Variants in GRID2 observed in about 807,000 individuals in gnomAD.
The protein encoded by GRID2 is glutamate receptor ionotropic, delta-2.
GRID2 carries 33 observed loss-of-function variants against 114.8 expected under a neutral mutation model. That is an observed-to-expected ratio of 0.29 (90% CI 0.22 to 0.38). The LOEUF (loss-of-function observed/expected upper bound fraction) is 0.38, where lower values mean the gene tolerates loss of function less well. Among genes scored for constraint, GRID2 ranks in the 10% least tolerant of loss-of-function variants. The pLI, the probability that GRID2 is intolerant of heterozygous loss-of-function variation, is 1.00. For missense variants in GRID2, 1,184 were observed against 1,257.7 expected (o/e 0.94, Z 0.89); for synonymous variants, 505 against 449.9 (o/e 1.12, Z -1.55).
chr4:93,683,545 G>T (rs1725794617), intron 14 of GRID2, among the ~76,000 whole-genome samples: 1 of 152,116 alleles, frequency 6.6e-6, no homozygotes, highest in Non-Finnish European at 1.5e-5. Flanking sequence ...GAGTCGTAAA[G>T]TGAGGAGTTA....
At chr4:93,083,818 A>C (rs1578941265) in intron 2 of GRID2, among the ~76,000 whole-genome samples, 1 of 151,922 alleles carries the variant, frequency 6.6e-6, no homozygotes, top group East Asian at 1.9e-4. Flanking sequence ...ATTATTTTGC[A>C]TGTATTGGTT....
intron 2 of GRID2, among the ~76,000 whole-genome samples, chr4:92,660,688 T>C (rs990347826): frequency 1.3e-5 from 2 of 151,276 alleles, no homozygotes; most frequent in Non-Finnish European, 3.0e-5. Flanking sequence ...TCTTCAACTT[T>C]ATATCACCTC....
intron 2 of GRID2, among the ~76,000 whole-genome samples, chr4:92,982,022 TAAAAAAAAAAAAAAAAAAAA>T (rs1161216679): frequency 1.2e-5 from 1 of 80,202 alleles, no homozygotes; most frequent in African/African-American, 4.6e-5. Flanking sequence ...AAAGTACTGG[TAAAAAAAAAAAAAAAAAAAA>T]AAAGAAAAAG....
At position 92,553,203 on chromosome 4, in the gene GRID2, T is replaced by C. The variant is rs145899160; in HGVS notation, c.89-36928T>C. 6.9e-3 allele frequency among the ~76,000 whole-genome samples: 1,045 copies of C among 152,334 alleles called. 10 individuals carry two copies. Among genetic ancestry groups the C allele is most frequent in the African/African-American group, 0.022 (911 of 41,580 alleles). On this transcript the variant is annotated intron_variant, in intron 1 of 15. Transcript: ENST00000282020. ...TTAATATCTAAGACGGACCTAACTT[T>C]GTTCCCAGAATGCACCTGCATTGGG... is the stretch of plus-strand genomic sequence containing the variant.
At chr4:93,629,679 A>T (rs1743070675) in intron 14 of GRID2, among the ~76,000 whole-genome samples, 1 of 152,192 alleles carries the variant, frequency 6.6e-6, no homozygotes, top group African/African-American at 2.4e-5. Context: ...ATAGTATACT[A>T]GGTGATTTTT....
intron 2 of GRID2, among the ~76,000 whole-genome samples, chr4:92,991,573 A>C (rs190680243): frequency 6.9e-4 from 105 of 152,342 alleles, no homozygotes; most frequent in African/African-American, 2.3e-3. Flanking sequence ...ATAAGCAGTA[A>C]ACAAAGTTAA....
intron 2 of GRID2, among the ~76,000 whole-genome samples, chr4:93,034,003 T>G (rs1195036310): frequency 6.6e-6 from 1 of 152,172 alleles, no homozygotes; most frequent in Non-Finnish European, 1.5e-5. Flanking sequence ...ACATCCAAGA[T>G]GAATCGTCAG....
chr4:92,799,558 CT>C (rs1331645370), intron 2 of GRID2, among the ~76,000 whole-genome samples: 3 of 152,130 alleles, frequency 2.0e-5, no homozygotes, highest in Non-Finnish European at 4.4e-5. Context: ...CTCACATCAT[CT>C]TTTTTCTTCG....
Position 93,794,215 on chromosome 4 carries a change from C to T in GRID2, c.222-12500C>T, listed in dbSNP as rs532289213. 1.6e-4 allele frequency among the ~76,000 whole-genome samples: 24 copies of T among 152,276 alleles called. No individual in the cohort carries two copies. In the East Asian group the frequency reaches 3.5e-3, roughly 22 times the overall value. On this transcript the variant is annotated intron_variant, in intron 1 of 1. Transcript: ENST00000637838. Reference sequence around the variant, plus strand: ...AGGTTCCTTTTAGATGGCAGTGATACGTCTGTGGAGTTTTATTTCCAGGGA... The same window carrying T: ...AGGTTCCTTTTAGATGGCAGTGATATGTCTGTGGAGTTTTATTTCCAGGGA...
At chr4:93,670,966 T>G (rs1724359484) in intron 14 of GRID2, among the ~76,000 whole-genome samples, 1 of 152,214 alleles carries the variant, frequency 6.6e-6, no homozygotes, top group African/African-American at 2.4e-5. Context: ...TACATAGGAC[T>G]ATATCAGTAT....
At chr4:92,466,547 A>G (rs1579414390) in intron 1 of GRID2, among the ~76,000 whole-genome samples, 1 of 151,924 alleles carries the variant, frequency 6.6e-6, no homozygotes, top group African/African-American at 2.4e-5. Context: ...GTACTCACAA[A>G]AGTTAAAAAT....
At chr4:92,962,450 T>A (rs867418664) in intron 2 of GRID2, among the ~76,000 whole-genome samples, 3 of 151,842 alleles carry the variant, frequency 2.0e-5, no homozygotes, top group Non-Finnish European at 4.4e-5. Context: ...ATAGCTAGAA[T>A]GGGCTGACGT....
At chr4:93,667,343 A>T (rs1724032694) in intron 14 of GRID2, among the ~76,000 whole-genome samples, 2 of 151,966 alleles carry the variant, frequency 1.3e-5, no homozygotes, top group Non-Finnish European at 2.9e-5. Flanking sequence ...TCCTCTAACC[A>T]AGTACATCCA....
At chr4:93,006,226 C>A (rs951982926) in intron 2 of GRID2, among the ~76,000 whole-genome samples, 1 of 151,980 alleles carries the variant, frequency 6.6e-6, no homozygotes, top group African/African-American at 2.4e-5. Flanking sequence ...ATTACCTCAG[C>A]AAAGTATATA....
chr4:93,615,680 T>C (rs1400024445), intron 13 of GRID2, among the ~76,000 whole-genome samples: 1 of 151,858 alleles, frequency 6.6e-6, no homozygotes, highest in East Asian at 1.9e-4. Context: ...TCTGTGTAAC[T>C]TGGCTACCTT....
intron 2 of GRID2, among the ~76,000 whole-genome samples, chr4:92,733,621 T>A (rs781464153): frequency 6.6e-6 from 1 of 152,144 alleles, no homozygotes; most frequent in Non-Finnish European, 1.5e-5. Context: ...CTGCAGGGAC[T>A]CAGCTAGAAT....
chr4:92,471,926 C>CTTTTTTTTT lies in GRID2; in HGVS notation c.89-118188_89-118180dup, dbSNP rs1186215701. Among the ~76,000 whole-genome samples the CTTTTTTTTT allele has an allele frequency of 1.2e-3, 67 of 57,342 alleles. 1 individual carries two copies. The highest frequency in any genetic ancestry group is 1.7e-3 in the Non-Finnish European group (56 of 32,150). 37.6% of individuals were successfully genotyped at this position (57,342 alleles called of 152,430 possible). ...CTTATTTGGGGATTTATCCATATTTCTTTTTTTTTTTTTTTTTTTTTTTTT... is the reference window on the plus strand; with the variant it reads ...CTTATTTGGGGATTTATCCATATTTCTTTTTTTTTTTTTTTTTTTTTTTTTTTTTTTTTT... On this transcript the variant is annotated intron_variant, in intron 1 of 15. Transcript: ENST00000282020.
intron 1 of GRID2, among the ~76,000 whole-genome samples, chr4:92,400,740 C>A (rs904983049): frequency 3.3e-5 from 5 of 151,994 alleles, no homozygotes; most frequent in African/African-American, 9.7e-5. Context: ...CATGAAGGTT[C>A]TTATTTCTCT....
intron 1 of GRID2, among the ~76,000 whole-genome samples, chr4:92,384,482 T>TATATAATATATA (rs1213844462): frequency 7.0e-5 from 4 of 57,470 alleles, no homozygotes; most frequent in Non-Finnish European, 9.0e-5. Flanking sequence ...ATATATATTA[T>TATATAATATATA]TTATATATAA....
Sources: gnomAD v4.1 joint callset for allele counts (sites outside exome capture counted in the v4.1 genomes callset) on GRCh38, gnomAD v4.1.1 for gene constraint, MANE v1.5 for transcripts, NCBI Gene and HGNC (gene_info 2026-07-23, HGNC 2026-07-21) for gene names.